Variants in SLC16A9 observed in about 807,000 individuals in gnomAD.
SLC16A9 encodes solute carrier family 16 member 9, also known as monocarboxylate transporter 9.
In SLC16A9, 26 loss-of-function variants were observed where a neutral mutation model predicts 44.3. That is an observed-to-expected ratio of 0.59 (90% CI 0.43 to 0.81). The LOEUF is 0.81. Among genes scored for constraint, SLC16A9 ranks in the 40% least tolerant of loss-of-function variants. The probability of loss-of-function intolerance (pLI) is 0.00; values close to 1 mark genes in which losing one functional copy is unlikely to be tolerated. For synonymous variants in SLC16A9, 230 were observed against 225.1 expected (o/e 1.02, Z -0.19); for missense variants, 559 against 595.8 (o/e 0.94, Z 0.64).
chr10:59,683,648 G>A (rs867498671), intron 2 of SLC16A9, among the ~76,000 whole-genome samples: 1 of 152,182 alleles, frequency 6.6e-6, no homozygotes, highest in African/African-American at 2.4e-5. Context: ...AAGCCATGTA[G>A]AAGCTGCCTA....
At chr10:59,660,729 A>T (rs984511405) in intron 4 of SLC16A9, among the ~76,000 whole-genome samples, 2 of 152,214 alleles carry the variant, frequency 1.3e-5, no homozygotes, top group African/African-American at 4.8e-5. Flanking sequence ...AATATCCCTG[A>T]TAAACATTGA....
intron 4 of SLC16A9, among the ~76,000 whole-genome samples, chr10:59,659,362 T>G (rs928582787): frequency 5.3e-5 from 8 of 152,074 alleles, no homozygotes; most frequent in African/African-American, 1.9e-4. Flanking sequence ...GGATGTTAAT[T>G]TTCGTTCCTT....
chr10:59,665,018 T>A (rs1564698906), intron 3 of SLC16A9, among the ~76,000 whole-genome samples: 1 of 152,204 alleles, frequency 6.6e-6, no homozygotes, highest in Non-Finnish European at 1.5e-5. Context: ...ATTCTCCACT[T>A]TTCTGTAAAT....
intron 4 of SLC16A9, among the ~76,000 whole-genome samples, chr10:59,662,903 C>A (rs7068546): frequency 5.3e-5 from 8 of 152,066 alleles, no homozygotes; most frequent in Admixed American, 1.3e-4. Context: ...CTAGAAATAC[C>A]ATTTGACCCA....
At chr10:59,677,732 C>T (rs911506676) in intron 2 of SLC16A9, among the ~76,000 whole-genome samples, 2 of 152,038 alleles carry the variant, frequency 1.3e-5, no homozygotes, top group African/African-American at 4.8e-5. Flanking sequence ...GGATGAACAT[C>T]TATTCTAAAT....
chr10:59,685,210 T>C (rs578081169), intron 1 of SLC16A9, among the ~76,000 whole-genome samples: 1 of 152,334 alleles, frequency 6.6e-6, no homozygotes, highest in South Asian at 2.1e-4. Context: ...TATCAATACA[T>C]AGACAGCATC....
In SLC16A9 at chr10:59,653,981, T is replaced by C. The variant is rs911904545; in HGVS notation, c.1045A>G (p.Ile349Val). ...TTACCAACTGCTGTCATAATGCCTA[T>C]AATGGAAATAAGTGGCATAATAAAC... is the stretch of plus-strand genomic sequence containing the variant. ...EEFIMPLISI[I>V]GIMTAVGKLL... Residue 349 changes from isoleucine (I) to valine (V), a missense_variant, in exon 5 of 6, where the codon ATA becomes GTA. Ile to Val is a conservative substitution (Grantham distance 29). Transcript: ENST00000395348. 1 of 1,613,818 alleles carries C rather than the reference T, an allele frequency of 6.2e-7. No homozygotes were observed. The highest frequency in any genetic ancestry group is 8.5e-7 in the Non-Finnish European group (1 of 1,180,034).
intron 1 of SLC16A9, among the ~76,000 whole-genome samples, chr10:59,704,620 A>G (rs1343934685): frequency 1.3e-5 from 2 of 152,244 alleles, no homozygotes; most frequent in Non-Finnish European, 2.9e-5. Flanking sequence ...AGTTAAATTT[A>G]GGCAGAGTGA....
chr10:59,676,572 A>AG (rs1170171372), intron 2 of SLC16A9, among the ~76,000 whole-genome samples: 5 of 152,090 alleles, frequency 3.3e-5, no homozygotes, highest in East Asian at 1.9e-4. Flanking sequence ...TAGGGAAAAA[A>AG]GGGGGGGAAA....
chr10:59,698,101 T>C (rs1445162728), intron 1 of SLC16A9, among the ~76,000 whole-genome samples: 1 of 152,226 alleles, frequency 6.6e-6, no homozygotes, highest in Non-Finnish European at 1.5e-5. Flanking sequence ...AGCCATTGTC[T>C]AAGGAGTAGT....
chr10:59,659,009 T>C (rs1018466390), intron 4 of SLC16A9, among the ~76,000 whole-genome samples: 9 of 152,208 alleles, frequency 5.9e-5, no homozygotes, highest in African/African-American at 2.2e-4. Flanking sequence ...TTTACAACTT[T>C]TGATAACTTG....
chr10:59,697,518 C>A (rs1840422129), intron 1 of SLC16A9, among the ~76,000 whole-genome samples: 1 of 151,266 alleles, frequency 6.6e-6, no homozygotes, highest in Admixed American at 6.6e-5. Flanking sequence ...CTTTGTTAAA[C>A]AGATGCTTGA....
intron 4 of SLC16A9, among the ~76,000 whole-genome samples, chr10:59,662,451 G>A (rs1804793063): frequency 6.6e-6 from 1 of 151,558 alleles, no homozygotes; most frequent in Non-Finnish European, 1.5e-5. Flanking sequence ...CATGGCCAAT[G>A]TAGGGAAACA....
At chr10:59,659,815 G>A (rs988646504) in intron 4 of SLC16A9, among the ~76,000 whole-genome samples, 2 of 152,110 alleles carry the variant, frequency 1.3e-5, no homozygotes, top group Admixed American at 6.6e-5. Flanking sequence ...AGACCACAGT[G>A]CAATCAAATT....
chr10:59,654,531 A>T lies in SLC16A9; in HGVS notation c.495T>A (p.Tyr165Ter). 6.2e-7 allele frequency: 1 copy of T among 1,608,020 alleles called. No homozygotes were observed. The highest frequency in any genetic ancestry group is 1.1e-5 in the South Asian group (1 of 91,032). The change falls in exon 5 of 6, where the codon TAT becomes TAA. Residue 165 changes from tyrosine (Y) to a stop codon, truncating the protein, a stop_gained. Coordinates refer to ENST00000395348, the MANE Select transcript of SLC16A9 (RefSeq NM_194298.3). LOFTEE classifies it high-confidence loss of function. ...CAATCAGCAAGCATCCATCCAGTCC[A>T]TAGAACTCAACCAGCATCCTCTGCA... ...AALQRMLVEF[Y>*]GLDGCLLIVG... is the part of the protein sequence containing the mutation.
intron 1 of SLC16A9, among the ~76,000 whole-genome samples, chr10:59,701,740 C>T (rs955338548): frequency 3.9e-5 from 6 of 152,196 alleles, no homozygotes; most frequent in African/African-American, 1.2e-4. Flanking sequence ...CCACAGCTCA[C>T]GACTCAGCAT....
intron 1 of SLC16A9, among the ~76,000 whole-genome samples, chr10:59,707,770 G>A (rs994302626): frequency 2.6e-5 from 4 of 152,090 alleles, no homozygotes; most frequent in Admixed American, 2.0e-4. Flanking sequence ...AGTAAAACTT[G>A]AAAATGTGAC....
At chr10:59,669,628 G>T (rs2088651474) in intron 3 of SLC16A9, among the ~76,000 whole-genome samples, 1 of 152,076 alleles carries the variant, frequency 6.6e-6, no homozygotes, top group Non-Finnish European at 1.5e-5. Flanking sequence ...CTGAGGTCAG[G>T]AGCTCAAGAC....
chr10:59,670,540 G>A (rs1297653113), intron 3 of SLC16A9, among the ~76,000 whole-genome samples: 1 of 152,246 alleles, frequency 6.6e-6, no homozygotes, highest in Non-Finnish European at 1.5e-5. Context: ...CTGCCTGCTA[G>A]TCAGTGTCTG....
Sources: gnomAD v4.1 joint callset for allele counts (sites outside exome capture counted in the v4.1 genomes callset) on GRCh38, gnomAD v4.1.1 for gene constraint, MANE v1.5 for transcripts, NCBI Gene and HGNC (gene_info 2026-07-23, HGNC 2026-07-21) for gene names.